ROBO1: variants seen among roughly 807,000 people sequenced by gnomAD.
The protein encoded by ROBO1 is roundabout homolog 1.
A neutral mutation model predicts 195.9 loss-of-function variants in ROBO1; 149 were observed. That is an observed-to-expected ratio of 0.76 (90% CI 0.67 to 0.87). The LOEUF is 0.87. ROBO1 is among the 40% of genes least tolerant of loss of function. The probability of loss-of-function intolerance (pLI) is 0.00; values close to 1 mark genes in which losing one functional copy is unlikely to be tolerated. For missense variants in ROBO1, 1,933 were observed against 2,068.3 expected, an observed-to-expected ratio of 0.93 and a Z score of 1.27; for synonymous variants, 816 against 733.2, an observed-to-expected ratio of 1.11 and a Z score of -1.82.
At chr3:78,672,400 A>G (rs978169154) in intron 10 of ROBO1, among the ~76,000 whole-genome samples, 1 of 152,032 alleles carries the variant, frequency 6.6e-6, no homozygotes, top group African/African-American at 2.4e-5. Context: ...GTAACATGGC[A>G]AAACCCCATC....
chr3:79,021,392 A>G (rs1316017982), intron 3 of ROBO1, among the ~76,000 whole-genome samples: 1 of 152,222 alleles, frequency 6.6e-6, no homozygotes, highest in East Asian at 1.9e-4. Context: ...TCCTCATATC[A>G]TTTGAATGTA....
intron 2 of ROBO1, among the ~76,000 whole-genome samples, chr3:79,203,945 A>T (rs1262597990): frequency 6.6e-6 from 1 of 152,128 alleles, no homozygotes; most frequent in Non-Finnish European, 1.5e-5. Context: ...AATGTGTGCA[A>T]TTGGTATCCT....
rs1020034433 is a variant in ROBO1 at position 79,605,992 on chromosome 3, G to A, written c.-50-16031C>T. The stretch of plus-strand genomic sequence containing the variant: ...TGGAAGTTTACATATATGTGTGTGT[G>A]TATATATATATATATATACCCATTT... On this transcript the variant is annotated intron_variant, in intron 1 of 30. Coordinates refer to ENST00000464233, the MANE Select transcript of ROBO1 (RefSeq NM_002941.4). Among the ~76,000 whole-genome samples, 215 of 145,216 alleles carry A rather than the reference G, an allele frequency of 1.5e-3. 2 individuals carry two copies. Among genetic ancestry groups the A allele is most frequent in the African/African-American group, 5.1e-3 (204 of 39,612 alleles).
chr3:79,268,602 C>A (rs1411358566), intron 2 of ROBO1, among the ~76,000 whole-genome samples: 2 of 151,574 alleles, frequency 1.3e-5, no homozygotes, highest in East Asian at 3.9e-4. Context: ...TCAACACACG[C>A]TCTTGTTTTG....
intron 3 of ROBO1, among the ~76,000 whole-genome samples, chr3:79,075,955 A>G (rs985758229): frequency 2.6e-5 from 4 of 151,716 alleles, no homozygotes; most frequent in African/African-American, 9.7e-5. Flanking sequence ...AAGAGGCAGC[A>G]TAGTATAAAG....
chr3:79,467,432 C>T (rs1334180856), intron 2 of ROBO1, among the ~76,000 whole-genome samples: 1 of 151,308 alleles, frequency 6.6e-6, no homozygotes, highest in Non-Finnish European at 1.5e-5. Context: ...TCTCCCATAC[C>T]CACATAAACC....
intron 4 of ROBO1, among the ~76,000 whole-genome samples, chr3:78,776,022 G>C (rs1379378276): frequency 6.6e-6 from 1 of 152,098 alleles, no homozygotes; most frequent in East Asian, 1.9e-4. Context: ...TATGGGTTCA[G>C]AATTACATCT....
At chr3:78,955,237 A>G (rs1445625757) in intron 3 of ROBO1, among the ~76,000 whole-genome samples, 1 of 151,670 alleles carries the variant, frequency 6.6e-6, no homozygotes, top group Non-Finnish European at 1.5e-5. Flanking sequence ...ATACAGGTAA[A>G]CTGTGTGTCA....
chr3:79,724,563 G>T (rs528337612), intron 1 of ROBO1, among the ~76,000 whole-genome samples: 1 of 152,146 alleles, frequency 6.6e-6, no homozygotes, highest in Non-Finnish European at 1.5e-5. Flanking sequence ...AAGATGCCAC[G>T]CTAGAGAGGA....
At chr3:79,088,061 A>T (rs1337577672) in intron 3 of ROBO1, among the ~76,000 whole-genome samples, 1 of 152,164 alleles carries the variant, frequency 6.6e-6, no homozygotes, top group African/African-American at 2.4e-5. Context: ...GCATCACAAT[A>T]CTAAACTCAA....
chr3:79,209,503 C>T (rs2081933541), intron 2 of ROBO1, among the ~76,000 whole-genome samples: 1 of 151,708 alleles, frequency 6.6e-6, no homozygotes, highest in Non-Finnish European at 1.5e-5. Context: ...ACTTCTTTTC[C>T]TTTGGGTAGC....
chr3:79,440,604 C>T (rs540627842), intron 2 of ROBO1, among the ~76,000 whole-genome samples: 9 of 152,216 alleles, frequency 5.9e-5, no homozygotes, highest in South Asian at 2.1e-4. Context: ...GTTCCCTATG[C>T]GCACTTCTTT....
At chr3:78,689,952 A>G (rs1035205121) in intron 8 of ROBO1, among the ~76,000 whole-genome samples, 9 of 150,428 alleles carry the variant, frequency 6.0e-5, no homozygotes, top group Non-Finnish European at 1.0e-4. Flanking sequence ...CTTTGACTTA[A>G]TATTTCTTGG....
chr3:79,644,015 A>G (rs1413305818), intron 1 of ROBO1, among the ~76,000 whole-genome samples: 1 of 152,258 alleles, frequency 6.6e-6, no homozygotes, highest in Non-Finnish European at 1.5e-5. Context: ...GAAGAGATGG[A>G]AAAAATATTT....
At chr3:78,837,356 T>G (rs1228271319) in intron 4 of ROBO1, among the ~76,000 whole-genome samples, 1 of 152,156 alleles carries the variant, frequency 6.6e-6, no homozygotes, top group Non-Finnish European at 1.5e-5. Context: ...CCTATGATAC[T>G]ACCAAACAAT....
chr3:79,710,200 C>T (rs376490197), intron 1 of ROBO1, among the ~76,000 whole-genome samples: 57 of 152,170 alleles, frequency 3.7e-4, no homozygotes, highest in Middle Eastern at 3.4e-3. Flanking sequence ...TAATAGGAAG[C>T]TCAAAGACAT....
chr3:79,310,109 C>T (rs2033409472), intron 2 of ROBO1, among the ~76,000 whole-genome samples: 1 of 152,094 alleles, frequency 6.6e-6, no homozygotes, highest in South Asian at 2.1e-4. Context: ...TTTGTATCAC[C>T]TCCAGATTTG....
At chr3:79,569,723 G>A (rs1201608530) in intron 2 of ROBO1, among the ~76,000 whole-genome samples, 2 of 150,662 alleles carry the variant, frequency 1.3e-5, no homozygotes, top group South Asian at 2.1e-4. Context: ...ATATATATGT[G>A]TGTGTATGTG....
intron 1 of ROBO1, among the ~76,000 whole-genome samples, chr3:79,665,055 C>T (rs945595836): frequency 7.9e-5 from 12 of 151,954 alleles, no homozygotes; most frequent in Admixed American, 3.3e-4. Flanking sequence ...GAATATTTTA[C>T]TCTTTAATTA....
Sources: gnomAD v4.1 joint callset for allele counts (sites outside exome capture counted in the v4.1 genomes callset) on GRCh38, gnomAD v4.1.1 for gene constraint, MANE v1.5 for transcripts, NCBI Gene and HGNC (gene_info 2026-07-23, HGNC 2026-07-21) for gene names.